Variants in PDE4D observed in about 807,000 individuals in gnomAD.
The protein encoded by PDE4D is phosphodiesterase 4D.
PDE4D carries 24 observed loss-of-function variants against 87.4 expected under a neutral mutation model. The ratio of observed to expected loss-of-function variants is 0.27; its 90% CI spans 0.20 to 0.39. The LOEUF (loss-of-function observed/expected upper bound fraction) is 0.39, where lower values mean the gene tolerates loss of function less well. Among genes scored for constraint, PDE4D ranks in the 10% least tolerant of loss-of-function variants. The pLI, the probability that PDE4D is intolerant of heterozygous loss-of-function variation, is 1.00. For missense variants in PDE4D, 714 were observed against 1,041.0 expected, an observed-to-expected ratio of 0.69 and a Z score of 4.32; for synonymous variants, 384 against 383.2, an observed-to-expected ratio of 1.00 and a Z score of -0.02.
intron 2 of PDE4D, among the ~76,000 whole-genome samples, chr5:60,047,120 A>G (rs1245821277): frequency 6.6e-6 from 1 of 152,106 alleles, no homozygotes; most frequent in Non-Finnish European, 1.5e-5. Context: ...CCAGGAATTT[A>G]TCCATTTCTT....
At chr5:59,996,344 C>T (rs1274482431) in intron 2 of PDE4D, among the ~76,000 whole-genome samples, 1 of 152,078 alleles carries the variant, frequency 6.6e-6, no homozygotes, top group Non-Finnish European at 1.5e-5. Flanking sequence ...TTTGATGCAA[C>T]ATTAAGTTCT....
At chr5:60,311,667 A>G (rs1282223069) in intron 1 of PDE4D, among the ~76,000 whole-genome samples, 2 of 152,222 alleles carry the variant, frequency 1.3e-5, no homozygotes, top group African/African-American at 2.4e-5. Context: ...TCAAGTCTGC[A>G]TAATAACCAG....
At chr5:59,715,352 C>A (rs915993031) in intron 1 of PDE4D, among the ~76,000 whole-genome samples, 1 of 152,184 alleles carries the variant, frequency 6.6e-6, no homozygotes, top group African/African-American at 2.4e-5. Context: ...CCTGAAGCAC[C>A]CCTACATGCT....
chr5:59,184,979 T>C (rs943169542), intron 4 of PDE4D, among the ~76,000 whole-genome samples: 1 of 152,200 alleles, frequency 6.6e-6, no homozygotes, highest in Non-Finnish European at 1.5e-5. Context: ...GGAATCACCA[T>C]ATTTATTTGT....
chr5:60,122,203 T>C (rs1248523677), intron 2 of PDE4D, among the ~76,000 whole-genome samples: 1 of 152,178 alleles, frequency 6.6e-6, no homozygotes, highest in African/African-American at 2.4e-5. Context: ...TCCAGGCACA[T>C]GCTTCAAGCT....
intron 2 of PDE4D, among the ~76,000 whole-genome samples, chr5:59,205,326 TC>T (rs1748506323): frequency 6.6e-6 from 1 of 152,170 alleles, no homozygotes; most frequent in African/African-American, 2.4e-5. Context: ...GATGGGTAAT[TC>T]CTTGTTAATG....
intron 5 of PDE4D, among the ~76,000 whole-genome samples, chr5:59,149,376 C>A (rs1779128326): frequency 6.6e-6 from 1 of 152,106 alleles, no homozygotes; most frequent in Admixed American, 6.6e-5. Flanking sequence ...TTAATTTGCC[C>A]TAACATTTCT....
intron 1 of PDE4D, among the ~76,000 whole-genome samples, chr5:60,504,777 G>A (rs767823558): frequency 1.6e-4 from 24 of 152,134 alleles, no homozygotes; most frequent in Non-Finnish European, 3.1e-4. Context: ...TTAGAAAAAT[G>A]GGGATATTCT....
chr5:60,486,741 C>T (rs532778448), intron 1 of PDE4D, among the ~76,000 whole-genome samples: 1 of 152,262 alleles, frequency 6.6e-6, no homozygotes, highest in East Asian at 1.9e-4. Flanking sequence ...TTATATTTGC[C>T]ACAGGAGCCT....
intron 1 of PDE4D, among the ~76,000 whole-genome samples, chr5:59,884,153 C>T (rs527418729): frequency 6.6e-6 from 1 of 152,028 alleles, no homozygotes; most frequent in Non-Finnish European, 1.5e-5. Flanking sequence ...GGTGGTTTTT[C>T]CTGCTTAGAC....
intron 1 of PDE4D, among the ~76,000 whole-genome samples, chr5:59,872,361 G>A (rs940085867): frequency 2.0e-5 from 3 of 151,808 alleles, no homozygotes; most frequent in Non-Finnish European, 4.4e-5. Flanking sequence ...TCCTAATTTG[G>A]AAATGAAGGT....
intron 1 of PDE4D, among the ~76,000 whole-genome samples, chr5:59,384,805 T>C (rs1786651739): frequency 6.6e-6 from 1 of 152,032 alleles, no homozygotes; most frequent in Admixed American, 6.6e-5. Context: ...TTAGCCATTA[T>C]CTATTCATTT....
chr5:60,271,483 T>C lies in PDE4D; in HGVS notation c.-89-85796A>G, dbSNP rs565330866. 7.0e-3 allele frequency among the ~76,000 whole-genome samples: 1,073 copies of C among 152,270 alleles called. 5 individuals are homozygous for C. Among genetic ancestry groups the C allele is most frequent in the Middle Eastern group, 0.017 (5 of 294 alleles). ...TTCCTTTTAACATTAATCCTATAAT[T>C]TCACCTTCTAATTCTTTCTTTCACA... On this transcript the variant is annotated intron_variant, in intron 1 of 16. Coordinates refer to the PDE4D transcript ENST00000502484.
chr5:59,265,046 C>T (rs2153537784), intron 1 of PDE4D, among the ~76,000 whole-genome samples: 1 of 152,072 alleles, frequency 6.6e-6, no homozygotes, highest in East Asian at 1.9e-4. Context: ...ATTACACAAC[C>T]AGGAATGCAC....
At chr5:60,168,566 T>A (rs1340613515) in intron 2 of PDE4D, among the ~76,000 whole-genome samples, 1 of 152,216 alleles carries the variant, frequency 6.6e-6, no homozygotes, top group African/African-American at 2.4e-5. Context: ...CGTGGGAGAT[T>A]GGTTTCACAA....
intron 1 of PDE4D, among the ~76,000 whole-genome samples, chr5:59,269,476 A>G (rs1185336506): frequency 6.6e-6 from 1 of 152,158 alleles, no homozygotes; most frequent in Non-Finnish European, 1.5e-5. Flanking sequence ...GAGGTATTTG[A>G]ACTGCTACAT....
At chr5:59,816,058 A>C (rs1768939799) in intron 1 of PDE4D, among the ~76,000 whole-genome samples, 4 of 152,262 alleles carry the variant, frequency 2.6e-5, no homozygotes, top group Admixed American at 2.6e-4. Context: ...AAAGACTGAA[A>C]GACCTGGCAG....
intron 1 of PDE4D, among the ~76,000 whole-genome samples, chr5:60,242,901 A>C (rs934765250): frequency 2.0e-5 from 3 of 151,906 alleles, no homozygotes; most frequent in African/African-American, 4.8e-5. Flanking sequence ...AAATAAAAAA[A>C]CCCAATAGTG....
chr5:59,507,140 C>T (rs1809406612), intron 1 of PDE4D, among the ~76,000 whole-genome samples: 1 of 151,974 alleles, frequency 6.6e-6, no homozygotes, highest in African/African-American at 2.4e-5. Context: ...GTGACCAGCC[C>T]GGCCAAAATG....
Sources: allele counts gnomAD v4.1 joint callset (sites outside exome capture counted in the v4.1 genomes callset), GRCh38; gene constraint gnomAD v4.1.1; transcripts MANE v1.5; gene names NCBI Gene and HGNC (gene_info 2026-07-23, HGNC 2026-07-21).